Variants in CIMAP1B observed in about 807,000 individuals in gnomAD.
CIMAP1B encodes the protein ciliary microtubule associated protein 1B.
the CIMAP1B span, chr22:50,531,443 A>C: frequency 9.5e-7 from 1 of 1,052,148 alleles, no homozygotes; most frequent in Non-Finnish European, 1.4e-6. Context: ...AGATCCGGAT[A>C]TGGGGGTACC....
chr22:50,531,711 G>T, the CIMAP1B span: 1 of 1,372,860 alleles, frequency 7.3e-7, no homozygotes, highest in Non-Finnish European at 9.4e-7. Flanking sequence ...TGCTGCGTGG[G>T]GAAGCGCGCG....
the CIMAP1B span, chr22:50,531,087 T>C: frequency 9.4e-6 from 15 of 1,597,366 alleles, no homozygotes; most frequent in African/African-American, 1.3e-5. Flanking sequence ...TCGGGGGTAG[T>C]GGGTCTCCGC....
chr22:50,530,611 G>A, the CIMAP1B span: 18 of 1,564,808 alleles, frequency 1.2e-5, no homozygotes, highest in Non-Finnish European at 1.5e-5. Flanking sequence ...TCCTCTCCGC[G>A]CCGGGACCCC....
At chr22:50,531,143 C>T in the CIMAP1B span, 8 of 1,594,128 alleles carry the variant, frequency 5.0e-6, no homozygotes, top group Non-Finnish European at 6.9e-6. Flanking sequence ...GGTCCCCGGT[C>T]TCGAGTGGGA....
the CIMAP1B span, chr22:50,531,153 A>G: frequency 6.3e-7 from 1 of 1,595,710 alleles, no homozygotes; most frequent in African/African-American, 1.3e-5. Context: ...CTCGAGTGGG[A>G]AGGCCCACAG....
At chr22:50,530,989 C>G in the CIMAP1B span, 1 of 1,611,274 alleles carries the variant, frequency 6.2e-7, no homozygotes, top group Non-Finnish European at 8.5e-7. Context: ...GTAGATGGAG[C>G]AAGTTGGGGC....
At chr22:50,531,919 C>G in the CIMAP1B span, 1 of 1,314,140 alleles carries the variant, frequency 7.6e-7, no homozygotes, top group Non-Finnish European at 9.8e-7. Flanking sequence ...TTCCCCTTCC[C>G]TCCCCCAGGC....
chr22:50,531,018 G>C, the CIMAP1B span: 1 of 1,610,786 alleles, frequency 6.2e-7, no homozygotes, highest in African/African-American at 1.3e-5. Context: ...TGCCGATGAC[G>C]CGCGGACCCA....
At chr22:50,530,700 G>A in the CIMAP1B span, 2 of 1,611,184 alleles carry the variant, frequency 1.2e-6, no homozygotes, top group South Asian at 2.2e-5. Context: ...TTGACCCTGG[G>A]CTCCAGGCCA....
chr22:50,531,438 C>G, the CIMAP1B span: 1 of 1,075,980 alleles, frequency 9.3e-7, no homozygotes, highest in South Asian at 1.6e-5. Flanking sequence ...ATTTGAGATC[C>G]GGATATGGGG....
the CIMAP1B span, chr22:50,531,960 C>G: frequency 3.0e-6 from 4 of 1,328,444 alleles, no homozygotes; most frequent in South Asian, 2.0e-5. Flanking sequence ...CGGGGCCTGC[C>G]CCTTCTACCG....
the CIMAP1B span, chr22:50,530,656 C>G: frequency 6.3e-7 from 1 of 1,594,888 alleles, no homozygotes; most frequent in Non-Finnish European, 8.5e-7. Context: ...ATCACTCCGA[C>G]CTCAGGCCCT....
At chr22:50,532,030 G>A in the CIMAP1B span, 10 of 1,345,730 alleles carry the variant, frequency 7.4e-6, no homozygotes, top group East Asian at 1.8e-4. Context: ...CGATGGGGCC[G>A]CGGGGCCGGT....
the CIMAP1B span, chr22:50,530,458 G>A: frequency 3.8e-6 from 6 of 1,578,294 alleles, no homozygotes; most frequent in Non-Finnish European, 5.2e-6. Context: ...AAACACGTGT[G>A]GGGCCGCTCC....
At chr22:50,531,348 G>A in the CIMAP1B span, 4 of 1,421,278 alleles carry the variant, frequency 2.8e-6, no homozygotes, top group South Asian at 2.5e-5. Context: ...GAGCCTGGTG[G>A]GTACCCGAGA....
At chr22:50,530,514 T>G in the CIMAP1B span, 1 of 1,601,142 alleles carries the variant, frequency 6.2e-7, no homozygotes, top group Non-Finnish European at 8.5e-7. Flanking sequence ...CGGGGCCAGG[T>G]AGTCCGAGTG....
chr22:50,530,475 G>A, the CIMAP1B span: 2 of 1,592,770 alleles, frequency 1.3e-6, no homozygotes, highest in Non-Finnish European at 8.5e-7. Flanking sequence ...CTCCCGCCTG[G>A]CGGGTCAGTT....
chr22:50,532,197 GC>G, the CIMAP1B span: 1 of 1,249,038 alleles, frequency 8.0e-7, no homozygotes. Flanking sequence ...TCAGCGCGGG[GC>G]GGGGCGGGGC....
the CIMAP1B span, chr22:50,530,802 G>C: frequency 1.9e-6 from 3 of 1,605,954 alleles, no homozygotes; most frequent in Non-Finnish European, 2.5e-6. Context: ...GGGGGGCCCG[G>C]GACTTGTAGA....
Sources: gnomAD v4.1 joint callset for allele counts on GRCh38, gnomAD v4.1.1 for gene constraint, MANE v1.5 for transcripts, NCBI Gene and HGNC (gene_info 2026-07-23, HGNC 2026-07-21) for gene names.